Variants in VSTM5 observed in about 807,000 individuals in gnomAD.
VSTM5 encodes the protein V-set and transmembrane domain containing 5.
In VSTM5, 21 loss-of-function variants were observed where a neutral mutation model predicts 20.3. The observed-to-expected ratio is 1.03, with a 90% CI of 0.73 to 1.49. VSTM5 has a LOEUF of 1.49. Ranked by LOEUF, VSTM5 falls within the 40% of genes most tolerant of loss-of-function variation. The pLI, the probability that VSTM5 is intolerant of heterozygous loss-of-function variation, is 0.00. For synonymous variants in VSTM5, 100 were observed against 102.5 expected (o/e 0.98, Z 0.14); for missense variants, 219 against 250.0 (o/e 0.88, Z 0.84).
chr11:93,845,216 C>T (rs533303723), intron 1 of VSTM5, among the ~76,000 whole-genome samples: 2 of 152,304 alleles, frequency 1.3e-5, no homozygotes, highest in South Asian at 2.1e-4. Flanking sequence ...TGGTCTACAG[C>T]AGGATGTGGG....
intron 1 of VSTM5, among the ~76,000 whole-genome samples, chr11:93,849,656 T>G (rs1024727419): frequency 6.6e-6 from 1 of 152,212 alleles, no homozygotes; most frequent in East Asian, 1.9e-4. Context: ...TAAACCTCAG[T>G]TGGCCCATGT....
At chr11:93,837,614 G>A (rs576756928) in intron 1 of VSTM5, among the ~76,000 whole-genome samples, 2 of 152,190 alleles carry the variant, frequency 1.3e-5, no homozygotes, top group Admixed American at 6.5e-5. Flanking sequence ...TGTTCCTCAT[G>A]TGTAAAACAA....
At chr11:93,836,509 G>T (rs999503929) in intron 1 of VSTM5, among the ~76,000 whole-genome samples, 2 of 152,134 alleles carry the variant, frequency 1.3e-5, no homozygotes, top group African/African-American at 4.8e-5. Context: ...GATTCATCTC[G>T]TTCTCTCACA....
chr11:93,823,340 T>A (rs977891279), intron 1 of VSTM5, among the ~76,000 whole-genome samples: 38 of 152,272 alleles, frequency 2.5e-4, no homozygotes, highest in African/African-American at 7.9e-4. Context: ...TTTAAAAATT[T>A]TTTTTAAATT....
chr11:93,845,011 A>C (rs1944402827), intron 1 of VSTM5, among the ~76,000 whole-genome samples: 1 of 66,762 alleles, frequency 1.5e-5, no homozygotes, highest in African/African-American at 5.2e-5. Flanking sequence ...TGAGACTCTA[A>C]GACACAACGT....
chr11:93,827,732 T>TA (rs35580418), intron 1 of VSTM5: 2,774 of 136,312 alleles, frequency 0.02, 74 homozygotes, highest in African/African-American at 0.064. Context: ...TGAGTAGTCT[T>TA]AAAAAAAAAA....
At chr11:93,845,755 C>G (rs577687144) in intron 1 of VSTM5, among the ~76,000 whole-genome samples, 1 of 152,276 alleles carries the variant, frequency 6.6e-6, no homozygotes, top group African/African-American at 2.4e-5. Context: ...AGGGCAACTT[C>G]CACTCCCTCT....
At chr11:93,828,309 A>T (rs1452898193) in intron 1 of VSTM5, among the ~76,000 whole-genome samples, 2 of 152,208 alleles carry the variant, frequency 1.3e-5, no homozygotes, top group Non-Finnish European at 2.9e-5. Context: ...CTTCCTGGAG[A>T]TGGTGAGACC....
At chr11:93,850,236 C>A (rs1591406232) in intron 1 of VSTM5, among the ~76,000 whole-genome samples, 176 bp downstream of exon 1, 1 of 152,148 alleles carries the variant, frequency 6.6e-6, no homozygotes, top group Non-Finnish European at 1.5e-5. Flanking sequence ...GGTCTCCAGG[C>A]CTCGCCCAGC....
chr11:93,838,387 G>A (rs895615484), intron 1 of VSTM5, among the ~76,000 whole-genome samples: 6 of 152,012 alleles, frequency 3.9e-5, no homozygotes, highest in African/African-American at 9.7e-5. Flanking sequence ...CAGGAGAATC[G>A]CTTGAACCCG....
In VSTM5 at chr11:93,850,465, C is replaced by T; in HGVS notation, c.38G>A (p.Gly13Asp). Reference protein sequence around the residue: ...PLPSGRRKTRGISLGLFALCL... With the variant: ...PLPSGRRKTRDISLGLFALCL... ...GAGGGCGAAGAGTCCTAGGGAGATG[C>T]CTCGGGTCTTCCTCCTCCCGCTGGG... is the stretch of plus-strand genomic sequence containing the variant. The change falls in exon 1 of 4, where the codon GGC becomes GAC. Residue 13 changes from glycine to aspartate, a missense_variant. Transcript: ENST00000409977. 6.5e-7 allele frequency: 1 copy of T among 1,550,074 alleles called. No homozygotes were observed. The highest frequency in any genetic ancestry group is 8.7e-7 in the Non-Finnish European group (1 of 1,146,596).
intron 1 of VSTM5, among the ~76,000 whole-genome samples, chr11:93,827,886 A>G (rs926516569): frequency 2.6e-5 from 4 of 152,206 alleles, no homozygotes; most frequent in African/African-American, 9.7e-5. Context: ...AATATGTGCT[A>G]ATATATACAT....
intron 1 of VSTM5, 128 bp downstream of exon 1, chr11:93,850,284 C>A (rs1192414323): frequency 2.8e-6 from 2 of 710,436 alleles, no homozygotes; most frequent in East Asian, 6.6e-5. Flanking sequence ...CAGCCGAGCT[C>A]ACCGCGCGCC....
rs202109475 is a variant in VSTM5, at chr11:93,850,451, G to A, written c.52C>T (p.Leu18Phe). ...RRKTRGISLGLFALCLAAARC... is the reference protein window; with the variant it reads ...RRKTRGISLGFFALCLAAARC... Reference sequence around the variant, plus strand: ...GCTGCGGCCAGGCAGAGGGCGAAGAGTCCTAGGGAGATGCCTCGGGTCTTC... The same window carrying A: ...GCTGCGGCCAGGCAGAGGGCGAAGAATCCTAGGGAGATGCCTCGGGTCTTC... Residue 18 changes from leucine (L) to phenylalanine (F), a missense_variant, in exon 1 of 4, where the codon CTC becomes TTC. By Grantham distance (22) the Leu-to-Phe change is conservative (BLOSUM62 0). Transcript: ENST00000409977. 3.2e-3 allele frequency: 4,941 copies of A among 1,550,162 alleles called. 7 individuals are homozygous for A. The highest frequency in any genetic ancestry group is 4.1e-3 in the Non-Finnish European group (4,724 of 1,146,616).
chr11:93,825,944 A>G (rs1335205044), intron 1 of VSTM5, among the ~76,000 whole-genome samples: 1 of 152,044 alleles, frequency 6.6e-6, no homozygotes, highest in Middle Eastern at 3.4e-3. Context: ...TTTAAAAAAA[A>G]AAGAAATAAA....
At chr11:93,834,326 T>G (rs1445578502) in intron 1 of VSTM5, among the ~76,000 whole-genome samples, 1 of 152,226 alleles carries the variant, frequency 6.6e-6, no homozygotes, top group Non-Finnish European at 1.5e-5. Context: ...CTTCCTGGGA[T>G]GCTGCTGACA....
At chr11:93,845,541 C>T (rs368874145) in intron 1 of VSTM5, among the ~76,000 whole-genome samples, 22 of 152,152 alleles carry the variant, frequency 1.4e-4, no homozygotes, top group Non-Finnish European at 3.1e-4. Flanking sequence ...ATAGGAGGGG[C>T]GAGTCGTTTC....
At chr11:93,829,577 G>A in intron 1 of VSTM5, among the ~76,000 whole-genome samples, 1 of 152,152 alleles carries the variant, frequency 6.6e-6, no homozygotes, top group East Asian at 1.9e-4. Context: ...AAAACTCCAA[G>A]ATATACCACT....
chr11:93,839,137 A>G (rs1944348158), intron 1 of VSTM5, among the ~76,000 whole-genome samples: 1 of 152,228 alleles, frequency 6.6e-6, no homozygotes, highest in African/African-American at 2.4e-5. Context: ...AACTGGGCCA[A>G]TCAGATTCTC....
Sources: allele counts gnomAD v4.1 joint callset (sites outside exome capture counted in the v4.1 genomes callset), GRCh38; gene constraint gnomAD v4.1.1; transcripts MANE v1.5; gene names NCBI Gene and HGNC (gene_info 2026-07-23, HGNC 2026-07-21).